The following CDIN1 variants were observed in gnomAD, a reference collection of about 807,000 sequenced individuals.
CDIN1 encodes CDAN1-interacting nuclease 1.
In CDIN1, 33 loss-of-function variants were observed where a neutral mutation model predicts 45.3. The ratio of observed to expected loss-of-function variants is 0.73; its 90% CI spans 0.55 to 0.97. The LOEUF (loss-of-function observed/expected upper bound fraction) is 0.97, where lower values mean the gene tolerates loss of function less well. Among genes scored for constraint, CDIN1 ranks in the 50% least tolerant of loss-of-function variants. The pLI is 0.00. For synonymous variants in CDIN1, 118 were observed against 124.4 expected (o/e 0.95, Z 0.34); for missense variants, 303 against 339.4 (o/e 0.89, Z 0.84).
intron 10 of CDIN1, among the ~76,000 whole-genome samples, chr15:36,746,752 CTTTTTTTTTT>C (rs760613983): frequency 2.2e-4 from 16 of 74,346 alleles, no homozygotes; most frequent in African/African-American, 7.9e-4. Flanking sequence ...GGAAACGTGT[CTTTTTTTTTT>C]TTTTTTTTTT....
chr15:36,625,090 A>T (rs956365317), intron 1 of CDIN1, among the ~76,000 whole-genome samples: 1 of 152,070 alleles, frequency 6.6e-6, no homozygotes, highest in African/African-American at 2.4e-5. Flanking sequence ...ATCCTGGCTA[A>T]CACAGTGAAA....
At chr15:36,651,094 A>C (rs893241376) in intron 3 of CDIN1, among the ~76,000 whole-genome samples, 1 of 152,124 alleles carries the variant, frequency 6.6e-6, no homozygotes, top group African/African-American at 2.4e-5. Context: ...ACAGTCTTTG[A>C]ATTCTTAGTT....
At chr15:36,682,364 A>G (rs1340032964) in intron 5 of CDIN1, among the ~76,000 whole-genome samples, 1 of 152,166 alleles carries the variant, frequency 6.6e-6, no homozygotes, top group African/African-American at 2.4e-5. Context: ...TTTTAGTTCT[A>G]GTCGGTCCTT....
intron 10 of CDIN1, among the ~76,000 whole-genome samples, chr15:36,727,737 A>G (rs1166039833): frequency 2.0e-5 from 3 of 152,328 alleles, no homozygotes; most frequent in East Asian, 1.9e-4. Context: ...TTGTTATTCT[A>G]TAAATATCTT....
intron 2 of CDIN1, among the ~76,000 whole-genome samples, chr15:36,644,651 GA>G (rs1878850396): frequency 6.6e-6 from 1 of 152,114 alleles, no homozygotes; most frequent in Non-Finnish European, 1.5e-5. Flanking sequence ...TTCCATTGCT[GA>G]CAGAGATGAT....
chr15:36,777,830 C>T (rs768886741), intron 10 of CDIN1, among the ~76,000 whole-genome samples: 7 of 152,138 alleles, frequency 4.6e-5, no homozygotes, highest in Admixed American at 6.6e-5. Flanking sequence ...AGGCTGGTCT[C>T]GAACTCCTGG....
At chr15:36,759,675 G>T (rs2053706162) in intron 10 of CDIN1, among the ~76,000 whole-genome samples, 1 of 152,118 alleles carries the variant, frequency 6.6e-6, no homozygotes, top group Non-Finnish European at 1.5e-5. Flanking sequence ...CTGAGGCTGG[G>T]TAATTTATAA....
At position 36,751,679 on chromosome 15, in the gene CDIN1, T is replaced by A. The variant is rs189287551; in HGVS notation, c.716+41718T>A. Among the ~76,000 whole-genome samples, 213 of 152,272 alleles carry A rather than the reference T, an allele frequency of 1.4e-3. 1 individual carries two copies. The highest frequency in any genetic ancestry group is 3.4e-3 in the Middle Eastern group (1 of 294). On this transcript the variant is annotated intron_variant, in intron 10 of 10. Transcript: ENST00000566621. ...ACCAAAGGAATGTTAATCATTCTGT[T>A]ATAAAGATACATGCACGTGTATGTT... is the stretch of plus-strand genomic sequence containing the variant.
At chr15:36,797,460 A>G (rs2054840768) in intron 10 of CDIN1, among the ~76,000 whole-genome samples, 1 of 152,122 alleles carries the variant, frequency 6.6e-6, no homozygotes, top group Non-Finnish European at 1.5e-5. Flanking sequence ...CTAGCAGCCA[A>G]TTCTTGCTGC....
At chr15:36,613,640 A>G in intron 1 of CDIN1, 1 of 1,428,646 alleles carries the variant, frequency 7.0e-7, no homozygotes. Context: ...CCGTAGGATC[A>G]AGCTGGTTGA....
At chr15:36,665,799 C>CT (rs772141920) in intron 5 of CDIN1, among the ~76,000 whole-genome samples, 3 of 151,612 alleles carry the variant, frequency 2.0e-5, no homozygotes, top group East Asian at 3.9e-4. Flanking sequence ...ATTTCATATA[C>CT]TTTTTTTTTC....
At chr15:36,660,967 C>A (rs964483237) in intron 5 of CDIN1, among the ~76,000 whole-genome samples, 1 of 152,170 alleles carries the variant, frequency 6.6e-6, no homozygotes, top group Non-Finnish European at 1.5e-5. Context: ...TTCTCTTCCT[C>A]ATGAAATCTG....
chr15:36,806,797 A>C (rs1319683213), intron 10 of CDIN1, among the ~76,000 whole-genome samples: 2 of 152,174 alleles, frequency 1.3e-5, no homozygotes, highest in African/African-American at 4.8e-5. Flanking sequence ...GTTACTAAGA[A>C]ACCCTCGGTT....
At chr15:36,731,155 A>G (rs1351724162) in intron 10 of CDIN1, among the ~76,000 whole-genome samples, 2 of 152,116 alleles carry the variant, frequency 1.3e-5, no homozygotes, top group African/African-American at 4.8e-5. Flanking sequence ...AGAAGCTTGA[A>G]AAGGTTAGAT....
chr15:36,596,096 A>C (rs1337359990), intron 1 of CDIN1, among the ~76,000 whole-genome samples: 1 of 152,086 alleles, frequency 6.6e-6, no homozygotes, highest in Non-Finnish European at 1.5e-5. Context: ...CAGCTAGGAG[A>C]GTTGATTGAA....
chr15:36,792,970 T>C (rs2054686439), intron 10 of CDIN1, among the ~76,000 whole-genome samples: 1 of 152,114 alleles, frequency 6.6e-6, no homozygotes, highest in Admixed American at 6.5e-5. Flanking sequence ...TCCTGCACCG[T>C]CCTGAAAGTC....
chr15:36,701,734 G>A (rs1294496696), intron 8 of CDIN1, among the ~76,000 whole-genome samples: 1 of 152,150 alleles, frequency 6.6e-6, no homozygotes, highest in Non-Finnish European at 1.5e-5. Context: ...ACACCTGGGA[G>A]GCATTTGCTG....
intron 10 of CDIN1, among the ~76,000 whole-genome samples, chr15:36,788,361 T>A (rs1382895187): frequency 6.6e-6 from 1 of 151,580 alleles, no homozygotes; most frequent in African/African-American, 2.4e-5. Context: ...TGGGATTACA[T>A]ACATGAGCCA....
chr15:36,704,664 C>G (rs1236673472), intron 8 of CDIN1: 1 of 151,286 alleles, frequency 6.6e-6, no homozygotes, highest in East Asian at 1.9e-4. Flanking sequence ...TTGCCCTCCC[C>G]CAATTTAGTA....
Sources: allele counts gnomAD v4.1 joint callset (sites outside exome capture counted in the v4.1 genomes callset), GRCh38; gene constraint gnomAD v4.1.1; transcripts MANE v1.5; gene names NCBI Gene and HGNC (gene_info 2026-07-23, HGNC 2026-07-21).